Variants in ZNF648 observed in about 807,000 individuals in gnomAD.
ZNF648 encodes the protein zinc finger protein 648.
ZNF648 carries 1 observed loss-of-function variant against 0.3 expected under a neutral mutation model. The ratio of observed to expected loss-of-function variants is 3.90; its 90% CI spans 1.39 to 18.51. ZNF648 has a LOEUF of 18.51. Ranked by LOEUF, ZNF648 falls within the 30% of genes most tolerant of loss-of-function variation. ZNF648 has a pLI of 0.11. For missense variants in ZNF648, 874 were observed against 769.7 expected (o/e 1.14, Z -1.60); for synonymous variants, 376 against 326.8 (o/e 1.15, Z -1.62).
rs1665881907 is a variant in ZNF648 at position 182,054,785 on chromosome 1, T to C, written c.*1519A>G. ...GCAGAAACTGAAGCCCAAGGTCACATCAACAGTAAAGGATGGGGATGGACT... is the reference window on the plus strand; with the variant it reads ...GCAGAAACTGAAGCCCAAGGTCACACCAACAGTAAAGGATGGGGATGGACT... On this transcript the variant is annotated 3_prime_UTR_variant, in exon 2 of 2. Transcript: ENST00000339948. 1 of 152,220 alleles carries C rather than the reference T, an allele frequency of 6.6e-6. No homozygotes were observed. Among genetic ancestry groups the C allele is most frequent in the South Asian group, 2.1e-4 (1 of 4,834 alleles). 9.4% of individuals were successfully genotyped at this position (152,220 alleles called of 1,614,324 possible).
At chr1:182,061,979 C>G (rs1333961584), upstream of ZNF648, among the ~76,000 whole-genome samples, 2 of 152,216 alleles carry the variant, frequency 1.3e-5, no homozygotes, top group African/African-American at 4.8e-5. Flanking sequence ...CTGGTATGCC[C>G]ATGGGCCACA....
the ZNF648 span, among the ~76,000 whole-genome samples, chr1:182,067,978 GGAATCTTC>G: frequency 1.3e-5 from 2 of 152,284 alleles, no homozygotes; most frequent in East Asian, 3.9e-4. Flanking sequence ...GAGACTTCTG[GGAATCTTC>G]TATACCTTAG....
In ZNF648 at chr1:182,055,563, T is replaced by C. The variant is rs1210882690; in HGVS notation, c.*741A>G. ...TTCTGTGGGTGAGACTCGGGTTAGA[T>C]CTACTTACTAAATTCCACTATAAAG... On this transcript the variant is annotated 3_prime_UTR_variant, in exon 2 of 2. Transcript: ENST00000339948. This position sits in a 1 kb window ranked among gnomAD's most constrained non-coding sequence, Gnocchi z 4.1. 6.6e-6 allele frequency: 1 copy of C among 152,178 alleles called. No individual in the cohort carries two copies. Among genetic ancestry groups the C allele is most frequent in the South Asian group, 2.1e-4 (1 of 4,828 alleles). 9.4% of individuals were successfully genotyped at this position (152,178 alleles called of 1,614,324 possible). A position where few individuals can be genotyped will look rare whatever the true frequency, so the allele number is the denominator to read the frequency against.
intron 1 of ZNF648, among the ~76,000 whole-genome samples, chr1:182,058,606 G>C (rs541867133): frequency 6.6e-6 from 1 of 152,244 alleles, no homozygotes; most frequent in East Asian, 1.9e-4. Context: ...ATAAGGAGCA[G>C]CCCTTGGGAG....
At chr1:182,064,477 T>C (rs182850246), upstream of ZNF648, 25 of 152,290 alleles carry the variant, frequency 1.6e-4, 2 homozygotes, top group African/African-American at 5.8e-4. Flanking sequence ...CTTGGTGTTT[T>C]TAAGGCATGG....
At chr1:182,065,255 G>C (rs1359336178), upstream of ZNF648, among the ~76,000 whole-genome samples, 1 of 152,082 alleles carries the variant, frequency 6.6e-6, no homozygotes, top group African/African-American at 2.4e-5. Flanking sequence ...CTTGGCCTTT[G>C]CTTGACTCTA....
In ZNF648 at chr1:182,057,372, C is replaced by A; in HGVS notation, c.639G>T (p.Ser213=). ...CGGCAGCCAGGCTGGCTGGGGTGGCCGACGCCTGGGCTGGTGTATGTGTCT... is the reference window on the plus strand; with the variant it reads ...CGGCAGCCAGGCTGGCTGGGGTGGCAGACGCCTGGGCTGGTGTATGTGTCT... ...TQETHTPAQA[S]ATPASLAAAV... is the part of the protein sequence containing the mutation. Residue 213 remains serine (S), a synonymous_variant, in exon 2 of 2, where the codon TCG becomes TCT. Transcript: ENST00000339948. 2 of 1,612,386 alleles carry A rather than the reference C, an allele frequency of 1.2e-6. No homozygotes were observed. The highest frequency in any genetic ancestry group is 1.1e-5 in the South Asian group (1 of 91,038).
chr1:182,065,221 A>G (rs571043766), upstream of ZNF648, among the ~76,000 whole-genome samples: 185 of 152,106 alleles, frequency 1.2e-3, no homozygotes, highest in Middle Eastern at 0.01. Context: ...AGATTCCCAA[A>G]CACTGTCCCT....
upstream of ZNF648, among the ~76,000 whole-genome samples, chr1:182,065,707 A>G (rs1203026396): frequency 6.6e-6 from 1 of 152,174 alleles, no homozygotes. Context: ...CCTCCAAGCC[A>G]TCTTAAGAAC....
the ZNF648 span, among the ~76,000 whole-genome samples, chr1:182,069,505 C>T: frequency 6.6e-6 from 1 of 152,160 alleles, no homozygotes; most frequent in African/African-American, 2.4e-5. Flanking sequence ...TGCTGGAGTG[C>T]GGCATCCCTC....
intron 1 of ZNF648, among the ~76,000 whole-genome samples, chr1:182,059,125 G>T (rs1329266025): frequency 6.6e-6 from 1 of 152,086 alleles, no homozygotes; most frequent in Non-Finnish European, 1.5e-5. Context: ...CCTGCCAGTC[G>T]CATTTGTTTT....
In ZNF648 at chr1:182,057,623, G is replaced by C; in HGVS notation, c.388C>G (p.Leu130Val). The change falls in exon 2 of 2, where the codon CTC becomes GTC. Residue 130 changes from leucine (L) to valine (V), a missense_variant. By Grantham distance (32) the Leu-to-Val change is conservative. Transcript: ENST00000339948. ...ATCTGACCTAACAATTTGTGTGCGA[G>C]ACCACTGGGAAGGGAACCCAGAGCT... ...SRALGSLPSGLAHKLLGQMQP... is the reference protein window; with the variant it reads ...SRALGSLPSGVAHKLLGQMQP... 1 of 1,614,204 alleles carries C rather than the reference G, an allele frequency of 6.2e-7. No homozygotes were observed. Among genetic ancestry groups the C allele is most frequent in the Non-Finnish European group, 8.5e-7 (1 of 1,180,038 alleles).
At position 182,057,063 on chromosome 1, in the gene ZNF648, G is replaced by A; in HGVS notation, c.948C>T (p.Tyr316=). 1 of 1,613,094 alleles carries A rather than the reference G, an allele frequency of 6.2e-7. No individual in the cohort carries two copies. The highest frequency in any genetic ancestry group is 8.5e-7 in the Non-Finnish European group (1 of 1,179,916). ...GCTTCCGGTGGTCGGAGGACCAGGT[G>A]TAGGCCTTGTCGCAGAAGGAGCACT... The part of the protein sequence containing the change: ...PYQCSFCDKA[Y]TWSSDHRKHI... The change falls in exon 2 of 2, where the codon TAC becomes TAT. Residue 316 remains tyrosine (Y), a synonymous_variant. Coordinates refer to ENST00000339948, the MANE Select transcript of ZNF648 (RefSeq NM_001009992.1).
At chr1:182,064,462 G>A (rs562874735), upstream of ZNF648, 1 of 152,296 alleles carries the variant, frequency 6.6e-6, no homozygotes, top group African/African-American at 2.4e-5. Flanking sequence ...AGGTTTCAAT[G>A]TCCCCTTGGT....
chr1:182,056,928 AT>A lies in ZNF648; in HGVS notation c.1082del (p.Asn361IlefsTer11). 2 of 1,610,224 alleles carry A rather than the reference AT, an allele frequency of 1.2e-6. No homozygotes were observed. Among genetic ancestry groups the A allele is most frequent in the Non-Finnish European group, 1.7e-6 (2 of 1,178,428 alleles). ...RKHQRNMHSN[N>X]KPFPCSECGL... Reference sequence around the variant, plus strand: ...CGCACTCGGAGCACGGGAAGGGCTTATTGTTGCTGTGCATGTTGCGCTGGTG... The same window carrying A: ...CGCACTCGGAGCACGGGAAGGGCTTATGTTGCTGTGCATGTTGCGCTGGTG... On this transcript the variant is annotated frameshift_variant, in exon 2 of 2. Coordinates refer to ENST00000339948, the MANE Select transcript of ZNF648 (RefSeq NM_001009992.1). LOFTEE classifies it low-confidence loss of function (END_TRUNC).
chr1:182,056,511 C>T lies in ZNF648; in HGVS notation c.1500G>A (p.Gly500=). 1 of 1,613,856 alleles carries T rather than the reference C, an allele frequency of 6.2e-7. No individual in the cohort carries two copies. The highest frequency in any genetic ancestry group is 8.5e-7 in the Non-Finnish European group (1 of 1,179,920). ...ACTCGGCACAGAGGAATCCCTTCTCCCCGGAGTGGATCTGTTGGTGCCGCT... is the reference window on the plus strand; with the variant it reads ...ACTCGGCACAGAGGAATCCCTTCTCTCCGGAGTGGATCTGTTGGTGCCGCT... ...TLKRHQQIHS[G]EKGFLCAECG... is the part of the protein sequence containing the mutation. Residue 500 remains glycine (G), a synonymous_variant, in exon 2 of 2, where the codon GGG becomes GGA. Coordinates refer to ENST00000339948, the MANE Select transcript of ZNF648 (RefSeq NM_001009992.1).
In ZNF648 at chr1:182,057,106, G is replaced by A. The variant is rs918889210; in HGVS notation, c.905C>T (p.Thr302Met). ...GTLQQHRRLH[T>M]GERPYQCSFC... The stretch of plus-strand genomic sequence containing the variant: ...GGAGCACTGGTAGGGCCGCTCGCCC[G>A]TGTGCAGGCGCCTGTGCTGCTGGAG... The change falls in exon 2 of 2, where the codon ACG (threonine) becomes ATG (methionine). Residue 302 changes from threonine (T) to methionine (M), a missense_variant. Coordinates refer to ENST00000339948, the MANE Select transcript of ZNF648 (RefSeq NM_001009992.1). The A allele has an allele frequency of 3.1e-6, 5 of 1,609,654 alleles. No homozygotes were observed. Among genetic ancestry groups the A allele is most frequent in the Admixed American group, 1.7e-5 (1 of 59,966 alleles).
Position 182,057,431 on chromosome 1 carries a change from T to A in ZNF648, c.580A>T (p.Arg194Trp). ...AGNSSLLCFP[R>W]PGSNWDLPTQ... is the part of the protein sequence containing the mutation. Reference sequence around the variant, plus strand: ...GGAAGGTCCCAGTTGCTCCCCGGCCTGGGGAAACACAACAGAGAAGAGTTC... The same window carrying A: ...GGAAGGTCCCAGTTGCTCCCCGGCCAGGGGAAACACAACAGAGAAGAGTTC... The change falls in exon 2 of 2, where the codon AGG becomes TGG. Residue 194 changes from arginine to tryptophan, a missense_variant. Arg to Trp is a moderately radical substitution (Grantham distance 101, BLOSUM62 -3). Coordinates refer to ENST00000339948, the MANE Select transcript of ZNF648 (RefSeq NM_001009992.1). The A allele has an allele frequency of 2.5e-6, 4 of 1,614,176 alleles. No homozygotes were observed. The highest frequency in any genetic ancestry group is 3.4e-6 in the Non-Finnish European group (4 of 1,180,016).
chr1:182,057,978 T>G lies in ZNF648; in HGVS notation c.33A>C (p.Gly11=). 1.9e-6 allele frequency: 3 copies of G among 1,611,776 alleles called. No individual in the cohort carries two copies. Among genetic ancestry groups the G allele is most frequent in the Non-Finnish European group, 2.5e-6 (3 of 1,178,846 alleles). MAQVDSQDRW[G]EASPLSSLTE... ...TCAAGCTGCTGAGAGGAGACGCCTC[T>G]CCCCACCTGTCCTGGGAGTCCACTT... Residue 11 remains glycine (G), a synonymous_variant, in exon 2 of 2, where the codon GGA becomes GGC. Coordinates refer to ENST00000339948, the MANE Select transcript of ZNF648 (RefSeq NM_001009992.1).
Sources: gnomAD v4.1 joint callset for allele counts (sites outside exome capture counted in the v4.1 genomes callset) on GRCh38, gnomAD v4.1.1 for gene constraint, Gnocchi (gnomAD v3.1) non-coding constraint, MANE v1.5 for transcripts, NCBI Gene and HGNC (gene_info 2026-07-23, HGNC 2026-07-21) for gene names.